The following HERC1 variants were observed in gnomAD, a reference collection of about 807,000 sequenced individuals.
The protein encoded by HERC1 is HECT and RLD domain containing E3 ubiquitin protein ligase family member 1, also known as probable E3 ubiquitin-protein ligase HERC1.
Under a neutral mutation model 554.3 loss-of-function variants are expected in HERC1, and 160 were observed. The observed-to-expected ratio is 0.29, with a 90% CI of 0.25 to 0.33. The LOEUF (loss-of-function observed/expected upper bound fraction) is 0.33. Ranked by LOEUF, HERC1 falls within the 10% of genes least tolerant of loss-of-function variation. HERC1 has a pLI of 1.00. For missense variants in HERC1, 4,919 were observed against 5,918.5 expected (o/e 0.83, Z 5.54); for synonymous variants, 2,175 against 2,131.7 (o/e 1.02, Z -0.56).
At chr15:63,747,670 ACACACGCGCG>A (rs2075104325) in intron 11 of HERC1, 44 bp downstream of exon 11, 1 of 1,048,350 alleles carries the variant, frequency 9.5e-7, no homozygotes, top group Non-Finnish European at 1.4e-6. Context: ...ATACACATGC[ACACACGCGCG>A]CGCACACACA....
rs185430973 is a variant in HERC1, at chr15:63,706,785, T to C, written c.4631A>G (p.Lys1544Arg). Residue 1544 changes from lysine (K) to arginine (R), a missense_variant, in exon 25 of 78, where the codon AAG (lysine) becomes AGG (arginine). Lys to Arg is a conservative substitution (Grantham distance 26, BLOSUM62 2). Coordinates refer to ENST00000443617, the MANE Select transcript of HERC1 (RefSeq NM_003922.4). Reference sequence around the variant, plus strand: ...TTCTTAATACTTACACTTACCTCTCTTTCTGTGAGATGCTGCCAAATCCAA... The same window carrying C: ...TTCTTAATACTTACACTTACCTCTCCTTCTGTGAGATGCTGCCAAATCCAA... ...VDLDLAASHRKRGPMHSQLES... is the reference protein window; with the variant it reads ...VDLDLAASHRRRGPMHSQLES... The C allele has an allele frequency of 1.6e-4, 248 of 1,538,512 alleles. No homozygotes were observed. In the African/African-American group the frequency reaches 3.2e-3, roughly 20 times the overall value.
rs1279909193 is a variant in HERC1, at chr15:63,756,171, A to C, written c.1533+266T>G. On this transcript the variant is annotated intron_variant, in intron 5 of 77. Transcript: ENST00000443617. This position sits in a 1 kb window ranked among gnomAD's most constrained non-coding sequence, Gnocchi z 5.0. The stretch of plus-strand genomic sequence containing the variant: ...CTGCCTGACACTTCAAAAGTGCTAA[A>C]TGTTTGTTAAATGAATGACTCTCAG... 6.6e-6 allele frequency among the ~76,000 whole-genome samples: 1 copy of C among 152,216 alleles called. No individual in the cohort carries two copies. The highest frequency in any genetic ancestry group is 1.5e-5 in the Non-Finnish European group (1 of 68,032).
chr15:63,783,486 C>T (rs2076347067), intron 1 of HERC1, among the ~76,000 whole-genome samples: 1 of 152,156 alleles, frequency 6.6e-6, no homozygotes, highest in Admixed American at 6.5e-5. Flanking sequence ...TAACAGACTA[C>T]AGTATACGGT....
chr15:63,766,444 A>C (rs1567103763), intron 2 of HERC1, among the ~76,000 whole-genome samples: 2 of 151,938 alleles, frequency 1.3e-5, no homozygotes, highest in South Asian at 2.1e-4. Flanking sequence ...AAAACTTCTC[A>C]AGGTATGGTG....
chr15:63,642,313 C>T (rs1175388779), intron 59 of HERC1, among the ~76,000 whole-genome samples: 1 of 152,148 alleles, frequency 6.6e-6, no homozygotes, highest in East Asian at 1.9e-4. Context: ...CAATGCTTCT[C>T]CTTTTCAAGG....
At chr15:63,655,613 C>A in intron 50 of HERC1, 129 bp downstream of exon 50, 2 of 635,624 alleles carry the variant, frequency 3.1e-6, no homozygotes, top group South Asian at 2.3e-5. Flanking sequence ...AGTATCTATG[C>A]ACTTCTTTTA....
In HERC1 at chr15:63,747,763, A is replaced by C; in HGVS notation, c.2315T>G (p.Ile772Arg). The change falls in exon 11 of 78, where the codon ATA becomes AGA. Residue 772 changes from isoleucine to arginine, a missense_variant. Physicochemically the swap from Ile to Arg is moderately conservative, Grantham distance 97. Around this residue, in one of 11 missense-constraint regions of HERC1, gnomAD observed 744 missense variants for 1,090.0 expected, o/e 0.68. Transcript: ENST00000443617. The part of the protein sequence containing the change: ...RSFLERYCDK[I>R]NSEIPPLPFP... ...AGGGAGTGGGGGAATCTCACTGTTT[A>C]TTTTATCACAGTATCTCTCAAGAAA... 6.4e-7 allele frequency: 1 copy of C among 1,550,786 alleles called. No homozygotes were observed. The highest frequency in any genetic ancestry group is 1.2e-5 in the South Asian group (1 of 84,030).
rs1249057934 is a variant in HERC1 at position 63,749,679 on chromosome 15, A to G, written c.2015T>C (p.Ile672Thr). Reference sequence around the variant, plus strand: ...AAGAGCCAAACAATGACTGTCTCCAATAGAAACATCAACTATTCTTGTGGC... The same window carrying G: ...AAGAGCCAAACAATGACTGTCTCCAGTAGAAACATCAACTATTCTTGTGGC... The part of the protein sequence containing the change: ...LAATRIVDVS[I>T]GDSHCLALSH... The change falls in exon 9 of 78, where the codon ATT becomes ACT. Residue 672 changes from isoleucine (I) to threonine (T), a missense_variant. Transcript: ENST00000443617. This position sits in a 1 kb window ranked among gnomAD's most constrained non-coding sequence, Gnocchi z 4.1. 2.5e-6 allele frequency: 4 copies of G among 1,597,528 alleles called. No homozygotes were observed. Among genetic ancestry groups the G allele is most frequent in the Admixed American group, 1.7e-5 (1 of 57,798 alleles).
intron 74 of HERC1, among the ~76,000 whole-genome samples, chr15:63,622,040 C>T (rs1326689734): frequency 7.9e-5 from 12 of 152,062 alleles, no homozygotes; most frequent in East Asian, 1.9e-4. Flanking sequence ...TGAGGAGCTG[C>T]GTAATCATTC....
At position 63,664,545 on chromosome 15, in the gene HERC1, A is replaced by T. The variant is rs1458088986; in HGVS notation, c.8605T>A (p.Ser2869Thr). 2 of 1,613,468 alleles carry T rather than the reference A, an allele frequency of 1.2e-6. No individual in the cohort carries two copies. The highest frequency in any genetic ancestry group is 2.2e-5 in the South Asian group (2 of 91,070). Residue 2869 changes from serine (S) to threonine (T), a missense_variant, in exon 43 of 78, where the codon TCA (serine) becomes ACA (threonine). Ser to Thr is a moderately conservative substitution (Grantham distance 58). Around this residue, in one of 11 missense-constraint regions of HERC1, gnomAD observed 1,963 missense variants for 2,228.6 expected, o/e 0.88. Coordinates refer to ENST00000443617, the MANE Select transcript of HERC1 (RefSeq NM_003922.4). The part of the protein sequence containing the change: ...TENAASGSGP[S>T]ARGRSAVTRR... Reference sequence around the variant, plus strand: ...GTTACCGCTGAGCGACCTCTAGCTGATGGTCCACTTCCAGAAGCTGCATTC... The same window carrying T: ...GTTACCGCTGAGCGACCTCTAGCTGTTGGTCCACTTCCAGAAGCTGCATTC...
chr15:63,803,431 T>TA (rs1338752681), intron 1 of HERC1, among the ~76,000 whole-genome samples: 1 of 149,986 alleles, frequency 6.7e-6, no homozygotes, highest in Non-Finnish European at 1.5e-5. Context: ...TTTTCTCTCT[T>TA]TTTTTTTTGA....
chr15:63,617,711 TG>T (rs1475117981), intron 74 of HERC1, among the ~76,000 whole-genome samples: 2 of 152,216 alleles, frequency 1.3e-5, no homozygotes, highest in Admixed American at 6.5e-5. Flanking sequence ...CTAATTGGTG[TG>T]AGATGGTATT....
chr15:63,833,751 GCGCACACACACACACACACACA>G (rs2078250735), intron 1 of HERC1, 54 bp downstream of exon 1: 1 of 72,320 alleles, frequency 1.4e-5, no homozygotes, highest in Non-Finnish European at 3.5e-5. Flanking sequence ...ACACGCGCGC[GCGCACACACACACACACACACA>G]CACACACACA....
chr15:63,804,161 G>A (rs1465271635), intron 1 of HERC1, among the ~76,000 whole-genome samples: 3 of 152,148 alleles, frequency 2.0e-5, no homozygotes, highest in Admixed American at 6.5e-5. Flanking sequence ...CGAAACGTAA[G>A]AGCTAAAACT....
chr15:63,789,129 C>T (rs1222094871), intron 1 of HERC1, among the ~76,000 whole-genome samples: 10 of 116,626 alleles, frequency 8.6e-5, no homozygotes, highest in Non-Finnish European at 1.2e-4. Context: ...CTCGCTCTGT[C>T]GCCCAGGCTG....
rs1427160779 is a variant in HERC1 at position 63,696,019 on chromosome 15, T to C, written c.5121+105A>G. 11 of 818,588 alleles carry C rather than the reference T, an allele frequency of 1.3e-5. No individual in the cohort carries two copies. The East Asian group carries it at 2.9e-4, about 22-fold the overall frequency. 50.7% of individuals were successfully genotyped at this position (818,588 alleles called of 1,614,324 possible). On this transcript the variant is annotated intron_variant, in intron 27 of 77. Transcript: ENST00000443617. ...GAGCTATCTTAAAAAATTTAAAGTC[T>C]TTGTATTTTTAAACTGAATCATAAA...
intron 74 of HERC1, among the ~76,000 whole-genome samples, chr15:63,619,912 T>C (rs953891745): frequency 2.6e-5 from 4 of 152,216 alleles, no homozygotes; most frequent in African/African-American, 9.7e-5. Context: ...TTGCTAGCAG[T>C]CTATCAATTT....
At position 63,624,343 on chromosome 15, in the gene HERC1, C is replaced by G. The variant is rs749708623; in HGVS notation, c.13276-16G>C. On this transcript the variant is annotated splice_polypyrimidine_tract_variant and intron_variant, in intron 71 of 77. Transcript: ENST00000443617. ...ATGTGCTGTTCTGTAACAGAAGGTA[C>G]GGTTATCAGAAATGGTACAATCTAG... 1.7e-5 allele frequency: 26 copies of G among 1,565,630 alleles called. No individual in the cohort carries two copies. Among genetic ancestry groups the G allele is most frequent in the Non-Finnish European group, 2.1e-5 (24 of 1,152,208 alleles).
At position 63,718,607 on chromosome 15, in the gene HERC1, A is replaced by G. The variant is rs1313685831; in HGVS notation, c.3945T>C (p.Leu1315=). Residue 1315 remains leucine (L), a synonymous_variant, in exon 21 of 78, where the codon CTT becomes CTC. Coordinates refer to ENST00000443617, the MANE Select transcript of HERC1 (RefSeq NM_003922.4). The surrounding 1 kb of genome is among the most constrained non-coding windows in gnomAD (Gnocchi z 4.2). ...CCCGTGATGATGACCTTGTTTGAAT[A>G]AGTTCAAGGTTCTTGCAAGCAAGTA... is the stretch of plus-strand genomic sequence containing the variant. ...SRLLACKNLE[L]IQTRSSSRDR... The G allele has an allele frequency of 6.3e-7, 1 of 1,586,602 alleles. No homozygotes were observed. The highest frequency in any genetic ancestry group is 2.3e-5 in the East Asian group (1 of 44,316).
Sources: gnomAD v4.1 joint callset for allele counts (sites outside exome capture counted in the v4.1 genomes callset) on GRCh38, gnomAD v4.1.1 for gene constraint, gnomAD v4.1.1 regional missense constraint, Gnocchi (gnomAD v3.1) non-coding constraint, MANE v1.5 for transcripts, NCBI Gene and HGNC (gene_info 2026-07-23, HGNC 2026-07-21) for gene names.